The following DDHD2 variants were observed in gnomAD, a reference collection of about 807,000 sequenced individuals.
The protein encoded by DDHD2 is DDHD domain containing 2.
Under a neutral mutation model 91.2 loss-of-function variants are expected in DDHD2, and 62 were observed. That is an observed-to-expected ratio of 0.68 (90% CI 0.55 to 0.84). The LOEUF is 0.84. DDHD2 is among the 40% of genes least tolerant of loss of function. The pLI, the probability that DDHD2 is intolerant of heterozygous loss-of-function variation, is 0.00. For missense variants in DDHD2, 740 were observed against 846.9 expected (o/e 0.87, Z 1.57); for synonymous variants, 271 against 293.9 (o/e 0.92, Z 0.80).
intron 5 of DDHD2, among the ~76,000 whole-genome samples, chr8:38,239,583 A>C (rs991488114): frequency 2.0e-5 from 3 of 147,140 alleles, no homozygotes; most frequent in African/African-American, 7.5e-5. Context: ...ACTACTCGGG[A>C]GGCTGAGGCA....
At position 38,249,690 on chromosome 8, in the gene DDHD2, T is replaced by A. The variant is rs1159815862; in HGVS notation, c.1249-18T>A. The A allele has an allele frequency of 1.3e-6, 2 of 1,574,544 alleles. No individual in the cohort carries two copies. The highest frequency in any genetic ancestry group is 1.7e-6 in the Non-Finnish European group (2 of 1,149,920). On this transcript the variant is annotated intron_variant, in intron 10 of 17. Transcript: ENST00000397166. Reference sequence around the variant, plus strand: ...TATTTTGTCTAGAAATAAGAAAGACTTGATTTTCTATGCCTAGGCTTTATG... The same window carrying A: ...TATTTTGTCTAGAAATAAGAAAGACATGATTTTCTATGCCTAGGCTTTATG...
At chr8:38,258,567 A>T (rs1020694160) in intron 16 of DDHD2, among the ~76,000 whole-genome samples, 3 of 152,174 alleles carry the variant, frequency 2.0e-5, no homozygotes, top group African/African-American at 4.8e-5. Flanking sequence ...TTAAATTCCT[A>T]TACATAAATG....
At chr8:38,257,439 G>A (rs1326303281) in intron 16 of DDHD2, among the ~76,000 whole-genome samples, 1 of 151,104 alleles carries the variant, frequency 6.6e-6, no homozygotes, top group Non-Finnish European at 1.5e-5. Flanking sequence ...AGTAGAGATG[G>A]GGTTTCACCA....
chr8:38,268,481 G>A, intron 1 of DDHD2: 1 of 1,554,850 alleles, frequency 6.4e-7, no homozygotes. Flanking sequence ...AATGTCAGAG[G>A]TTAAAAACAA....
rs1244593416 is a variant in DDHD2 at position 38,253,558 on chromosome 8, G to A, written c.1894G>A (p.Val632Ile). 8 of 1,612,510 alleles carry A rather than the reference G, an allele frequency of 5.0e-6. No individual in the cohort carries two copies. Among genetic ancestry groups the A allele is most frequent in the Non-Finnish European group, 6.8e-6 (8 of 1,179,604 alleles). Residue 632 changes from valine (V) to isoleucine (I), a missense_variant and splice_region_variant, in exon 16 of 18, where the codon GTT becomes ATT. Physicochemically the swap from Val to Ile is conservative, Grantham distance 29 (BLOSUM62 3). Transcript: ENST00000397166. ...TATTATGGTTCTTCCATATCCAGAT[G>A]TTAACACAGAAGAGACCTCTGTGGC... ...PESTSEKPSD[V>I]NTEETSVAVK...
At chr8:38,273,254 C>G (rs915483801), downstream of DDHD2, 1 of 152,174 alleles carries the variant, frequency 6.6e-6, no homozygotes, top group African/African-American at 2.4e-5. Flanking sequence ...CCTCGGCCTC[C>G]CAAAGTGCTG....
At chr8:38,246,584 G>A (rs967642438) in intron 9 of DDHD2, among the ~76,000 whole-genome samples, 15 of 152,222 alleles carry the variant, frequency 9.9e-5, no homozygotes, top group Admixed American at 5.2e-4. Flanking sequence ...GCTCATGCCT[G>A]TAATCTCAGC....
chr8:38,251,516 T>G (rs1585748062), intron 11 of DDHD2: 2 of 167,064 alleles, frequency 1.2e-5, no homozygotes, highest in East Asian at 1.7e-4. Context: ...TTGTTTTCTC[T>G]TATGATTGTT....
chr8:38,254,572 A>G (rs1262236210), intron 16 of DDHD2, among the ~76,000 whole-genome samples: 4 of 151,944 alleles, frequency 2.6e-5, no homozygotes, highest in Non-Finnish European at 4.4e-5. Context: ...GGGTTTCGCC[A>G]TGTTGCCCAG....
rs149994413 is a variant in DDHD2, at chr8:38,238,145, G to A, written c.558G>A (p.Thr186=). ...AGSDDWGSTP[T]EQGRPRTVKR... is the part of the protein sequence containing the mutation. Reference sequence around the variant, plus strand: ...CTGATGATTGGGGTTCAACACCCACGGAGCAGGGTCGACCAAGAACTGTGA... The same window carrying A: ...CTGATGATTGGGGTTCAACACCCACAGAGCAGGGTCGACCAAGAACTGTGA... Residue 186 remains threonine, a synonymous_variant, in exon 5 of 18, where the codon ACG becomes ACA. Transcript: ENST00000397166. The A allele has an allele frequency of 2.3e-4, 370 of 1,613,854 alleles. 1 individual carries two copies. Among genetic ancestry groups the A allele is most frequent in the Admixed American group, 6.8e-4 (41 of 59,946 alleles).
intron 13 of DDHD2, among the ~76,000 whole-genome samples, 186 bp downstream of exon 13, chr8:38,252,473 A>G (rs1806185998): frequency 6.6e-6 from 1 of 151,938 alleles, no homozygotes; most frequent in African/African-American, 2.4e-5. Context: ...ACTTATGATT[A>G]TTGTTTAAGA....
intron 1 of DDHD2, 40 bp from the exon 2 acceptor site, chr8:38,232,947 A>G (rs779600306): frequency 1.3e-5 from 19 of 1,491,394 alleles, no homozygotes; most frequent in Non-Finnish European, 1.6e-5. Flanking sequence ...ACAGTTACAC[A>G]GTTAAGTTCG....
At chr8:38,244,835 A>G (rs984265860) in intron 7 of DDHD2, among the ~76,000 whole-genome samples, 8 of 152,298 alleles carry the variant, frequency 5.3e-5, no homozygotes, top group African/African-American at 1.9e-4. Context: ...AAGTGCTGGC[A>G]TTACAGGCGT....
At chr8:38,232,858 A>C in intron 1 of DDHD2, 129 bp from the exon 2 acceptor site, 1 of 645,026 alleles carries the variant, frequency 1.6e-6, no homozygotes, top group East Asian at 2.7e-5. Context: ...TTCTCTTTTA[A>C]ATTATGTAGA....
chr8:38,236,999 AC>A (rs1804825716), intron 3 of DDHD2, among the ~76,000 whole-genome samples: 1 of 152,138 alleles, frequency 6.6e-6, no homozygotes, highest in African/African-American at 2.4e-5. Flanking sequence ...AAATGTGAAC[AC>A]TAATTATCTA....
chr8:38,248,532 G>A (rs1359217473), intron 10 of DDHD2, among the ~76,000 whole-genome samples: 2 of 152,130 alleles, frequency 1.3e-5, no homozygotes, highest in Non-Finnish European at 2.9e-5. Context: ...GTTTACTGGG[G>A]AAGACACATG....
At chr8:38,270,018 CAT>C (rs1234343275) in intron 1 of DDHD2, 2 of 152,208 alleles carry the variant, frequency 1.3e-5, no homozygotes, top group South Asian at 2.1e-4. Flanking sequence ...TGCAATAAAA[CAT>C]AGGCCAATCA....
At chr8:38,242,154 C>G (rs1383834993) in intron 6 of DDHD2, 96 bp from the exon 7 acceptor site, 5 of 983,610 alleles carry the variant, frequency 5.1e-6, no homozygotes, top group Non-Finnish European at 7.5e-6. Flanking sequence ...GTGTTCTGTG[C>G]AAATGTAGTT....
intron 16 of DDHD2, among the ~76,000 whole-genome samples, chr8:38,259,544 C>T (rs1055493344): frequency 3.9e-5 from 6 of 152,196 alleles, no homozygotes; most frequent in African/African-American, 1.4e-4. Flanking sequence ...TACCACCACA[C>T]CCTGCTAATT....
Sources: gnomAD v4.1 joint callset for allele counts (sites outside exome capture counted in the v4.1 genomes callset) on GRCh38, gnomAD v4.1.1 for gene constraint, MANE v1.5 for transcripts, NCBI Gene and HGNC (gene_info 2026-07-23, HGNC 2026-07-21) for gene names.